The following ZNF385C variants were observed in gnomAD, a reference collection of about 807,000 sequenced individuals.
ZNF385C encodes the protein zinc finger protein 385C.
In ZNF385C, 28 loss-of-function variants were observed where a neutral mutation model predicts 35.4. The ratio of observed to expected loss-of-function variants is 0.79; its 90% CI spans 0.59 to 1.08. The LOEUF (loss-of-function observed/expected upper bound fraction) is 1.08. Among genes scored for constraint, ZNF385C ranks in the 50% least tolerant of loss-of-function variants. The pLI is 0.00. For synonymous variants in ZNF385C, 248 were observed against 248.2 expected (o/e 1.00, Z 0.01); for missense variants, 605 against 595.6 (o/e 1.02, Z -0.16).
At chr17:42,028,624 G>T in intron 6 of ZNF385C, 159 bp downstream of exon 6, 1 of 916,356 alleles carries the variant, frequency 1.1e-6, no homozygotes, top group Non-Finnish European at 1.6e-6. Context: ...AAGGAGTAAT[G>T]GGAGGACCCA....
chr17:42,097,679 G>T (rs1294258534), intron 1 of ZNF385C, among the ~76,000 whole-genome samples: 1 of 152,098 alleles, frequency 6.6e-6, no homozygotes, highest in Admixed American at 6.5e-5. Context: ...CTCCAGGAAG[G>T]CTTCCTCGAG....
At chr17:42,064,416 T>C (rs1555658304) in intron 1 of ZNF385C, among the ~76,000 whole-genome samples, 1 of 152,236 alleles carries the variant, frequency 6.6e-6, no homozygotes, top group African/African-American at 2.4e-5. Flanking sequence ...TCTCCTGTTA[T>C]GGACTGAAGT....
chr17:42,043,512 G>A (rs2053078428), intron 2 of ZNF385C: 1 of 644,634 alleles, frequency 1.6e-6, no homozygotes, highest in African/African-American at 1.9e-5. Flanking sequence ...CAGGCTAACA[G>A]GGCCCATCCA....
intron 1 of ZNF385C, among the ~76,000 whole-genome samples, chr17:42,098,091 C>G (rs1458391537): frequency 2.0e-5 from 3 of 152,198 alleles, no homozygotes; most frequent in Non-Finnish European, 4.4e-5. Flanking sequence ...TTCCTTACTC[C>G]GGACCCCCGT....
At chr17:42,066,867 G>GA (rs1333074449) in intron 1 of ZNF385C, among the ~76,000 whole-genome samples, 3 of 152,116 alleles carry the variant, frequency 2.0e-5, no homozygotes, top group Non-Finnish European at 4.4e-5. Flanking sequence ...AGGAGTTCAA[G>GA]ACCAGCCTGG....
intron 2 of ZNF385C, among the ~76,000 whole-genome samples, chr17:42,044,338 C>T (rs1405779141): frequency 5.5e-5 from 8 of 144,490 alleles, no homozygotes; most frequent in Non-Finnish European, 7.5e-5. Context: ...AAAAGACGGC[C>T]GGGTGGGGTG....
chr17:42,075,492 CTT>C (rs1233607606), intron 1 of ZNF385C, among the ~76,000 whole-genome samples: 1 of 135,516 alleles, frequency 7.4e-6, no homozygotes, highest in African/African-American at 2.8e-5. Flanking sequence ...CTTTATACTC[CTT>C]TTTTTTTTTT....
At chr17:42,055,046 G>A (rs1598193879) in intron 2 of ZNF385C, among the ~76,000 whole-genome samples, 1 of 152,134 alleles carries the variant, frequency 6.6e-6, no homozygotes, top group African/African-American at 2.4e-5. Context: ...GGGGAAGGAG[G>A]CAGCCAGCCC....
At chr17:42,065,230 A>G (rs2053530476) in intron 1 of ZNF385C, 1 of 152,174 alleles carries the variant, frequency 6.6e-6, no homozygotes, top group African/African-American at 2.4e-5. Context: ...TCAAGCCAAG[A>G]AGAGAGGCCT....
At chr17:42,088,509 G>A (rs1476316797) in intron 1 of ZNF385C, among the ~76,000 whole-genome samples, 4 of 152,258 alleles carry the variant, frequency 2.6e-5, no homozygotes, top group Non-Finnish European at 2.9e-5. Context: ...CCGCCTGGGC[G>A]GCTCCAGCCA....
At chr17:42,032,142 C>T (rs1269800986) in intron 4 of ZNF385C, among the ~76,000 whole-genome samples, 5 of 152,138 alleles carry the variant, frequency 3.3e-5, no homozygotes, top group Admixed American at 3.3e-4. Flanking sequence ...CTCACTGCAA[C>T]CTCCGCCTCC....
chr17:42,086,507 G>C (rs573190963), intron 1 of ZNF385C, among the ~76,000 whole-genome samples: 81 of 152,076 alleles, frequency 5.3e-4, no homozygotes, highest in Non-Finnish European at 1.0e-3. Flanking sequence ...TTCGAGACCA[G>C]CCTGGCCAAC....
At chr17:42,051,389 T>C (rs1391145268) in intron 2 of ZNF385C, among the ~76,000 whole-genome samples, 2 of 151,914 alleles carry the variant, frequency 1.3e-5, no homozygotes, top group East Asian at 1.9e-4. Context: ...GAGAGGTGAA[T>C]TGAGGAGCTT....
chr17:42,089,738 C>T (rs2143950149), intron 1 of ZNF385C, among the ~76,000 whole-genome samples: 1 of 152,238 alleles, frequency 6.6e-6, no homozygotes, highest in Middle Eastern at 3.4e-3. Flanking sequence ...CCTGCAGCCC[C>T]CACACTGATG....
chr17:42,055,104 C>T (rs1478511318), intron 2 of ZNF385C, among the ~76,000 whole-genome samples: 10 of 152,254 alleles, frequency 6.6e-5, no homozygotes, highest in Admixed American at 1.3e-4. Context: ...GATGCTAGCC[C>T]CCGACCCCCT....
chr17:42,091,955 C>T (rs2053867271), intron 1 of ZNF385C, among the ~76,000 whole-genome samples: 1 of 152,156 alleles, frequency 6.6e-6, no homozygotes, highest in African/African-American at 2.4e-5. Context: ...CAGCCTGTGA[C>T]TCTTTTAATC....
intron 2 of ZNF385C, chr17:42,038,351 T>G: frequency 2.6e-6 from 1 of 387,796 alleles, no homozygotes; most frequent in East Asian, 5.2e-5. Context: ...TCCCCAGGAT[T>G]TCATGGCCAG....
At position 42,031,712 on chromosome 17, in the gene ZNF385C, T is replaced by G; in HGVS notation, c.583A>C (p.Lys195Gln). The G allele has an allele frequency of 5.8e-6, 9 of 1,550,774 alleles. No individual in the cohort carries two copies. The highest frequency in any genetic ancestry group is 7.8e-6 in the Non-Finnish European group (9 of 1,147,044). Residue 195 changes from lysine (K) to glutamine (Q), a missense_variant, in exon 5 of 9, where the codon AAG (lysine) becomes CAG (glutamine). Coordinates refer to ENST00000692273, the MANE Select transcript of ZNF385C (RefSeq NM_001392013.1). ...KLKAVEAAKS[K>Q]QRPHTQAQDG... is the part of the protein sequence containing the mutation. ...TGGGCCTGGGTGTGTGGCCTCTGCT[T>G]GCTCTTGGCAGCCTCGACAGCCTTG...
rs951384406 is a variant in ZNF385C at position 42,040,444 on chromosome 17, G to A, written c.251-2559C>T. On this transcript the variant is annotated intron_variant, in intron 2 of 8. Transcript: ENST00000692273. ...GGAGGCCGCAGCCGCCATCACCAGA[G>A]GCTGCAGCAAGGCCAAGTCCGGCTC... 7 of 1,232,036 alleles carry A rather than the reference G, an allele frequency of 5.7e-6. No individual in the cohort carries two copies. The African/African-American group carries it at 7.8e-5, about 14-fold the overall frequency. 76.3% of individuals were successfully genotyped at this position (1,232,036 alleles called of 1,614,324 possible).
Sources: allele counts gnomAD v4.1 joint callset (sites outside exome capture counted in the v4.1 genomes callset), GRCh38; gene constraint gnomAD v4.1.1; transcripts MANE v1.5; gene names NCBI Gene and HGNC (gene_info 2026-07-23, HGNC 2026-07-21).